CLPX: variants seen among roughly 807,000 people sequenced by gnomAD.
CLPX encodes the protein caseinolytic mitochondrial matrix peptidase chaperone subunit X.
A neutral mutation model predicts 76.4 loss-of-function variants in CLPX; 34 were observed. The ratio of observed to expected loss-of-function variants is 0.45; its 90% CI spans 0.34 to 0.59. The LOEUF is 0.59. Among genes scored for constraint, CLPX ranks in the 20% least tolerant of loss-of-function variants. The pLI is 0.01. For missense variants in CLPX, 613 were observed against 757.0 expected, an observed-to-expected ratio of 0.81 and a Z score of 2.23; for synonymous variants, 248 against 270.9, an observed-to-expected ratio of 0.92 and a Z score of 0.83.
intron 3 of CLPX, among the ~76,000 whole-genome samples, chr15:65,172,317 A>C (rs1433614792): frequency 6.6e-6 from 1 of 152,206 alleles, no homozygotes; most frequent in Non-Finnish European, 1.5e-5. Flanking sequence ...TTAAGTTACC[A>C]GGAGATAAAT....
In CLPX at chr15:65,148,351, A is replaced by G. The variant is rs534315619; in HGVS notation, c.*2472T>C. The G allele has an allele frequency of 2.6e-5, 4 of 152,364 alleles. No individual in the cohort carries two copies. The East Asian group carries it at 7.7e-4, about 29-fold the overall frequency. 9.4% of individuals were successfully genotyped at this position (152,364 alleles called of 1,614,324 possible). ...CCAAATGTAAGTTGTTGTGACTAAA[A>G]TGCCTCCCCAGTACATTTCTGGAGG... On this transcript the variant is annotated 3_prime_UTR_variant, in exon 14 of 14. Coordinates refer to ENST00000300107, the MANE Select transcript of CLPX (RefSeq NM_006660.5).
In CLPX at chr15:65,149,469, T is replaced by C. The variant is rs1254109553; in HGVS notation, c.*1354A>G. 5.8e-6 allele frequency: 2 copies of C among 344,696 alleles called. No individual in the cohort carries two copies. The highest frequency in any genetic ancestry group is 1.1e-5 in the Non-Finnish European group (2 of 176,956). 21.4% of individuals were successfully genotyped at this position (344,696 alleles called of 1,614,324 possible). ...CAGCCTGGGTGACACAGCGAGACTC[T>C]GTCTCAAAAAAATAAAATAAAATAG... On this transcript the variant is annotated 3_prime_UTR_variant, in exon 14 of 14. Coordinates refer to ENST00000300107, the MANE Select transcript of CLPX (RefSeq NM_006660.5).
chr15:65,171,816 C>CCAACAAAT (rs1308700624), intron 3 of CLPX, among the ~76,000 whole-genome samples: 1 of 152,196 alleles, frequency 6.6e-6, no homozygotes, highest in Non-Finnish European at 1.5e-5. Flanking sequence ...TGATTAAACA[C>CCAACAAAT]CAACAAATCA....
chr15:65,158,039 A>G (rs2087811353), intron 7 of CLPX, 129 bp from the exon 8 acceptor site: 1 of 739,616 alleles, frequency 1.4e-6, no homozygotes, highest in African/African-American at 1.8e-5. Flanking sequence ...TTCCTCTGCT[A>G]TTATTTTTTT....
intron 3 of CLPX, among the ~76,000 whole-genome samples, chr15:65,175,562 C>T (rs560045116): frequency 6.7e-4 from 102 of 152,110 alleles, no homozygotes; most frequent in African/African-American, 1.5e-3. Flanking sequence ...CCAAAATGCA[C>T]GGGACCAGAA....
Position 65,185,186 on chromosome 15 carries a change from T to A in CLPX, c.-33A>T. On this transcript the variant is annotated 5_prime_UTR_variant, in exon 1 of 14. Transcript: ENST00000300107. ...AGGCCTAGGCCGGGGCTTCGCCCCC[T>A]GAGGACCTCCGGGTCACAGCGGCGT... 1 of 1,526,432 alleles carries A rather than the reference T, an allele frequency of 6.6e-7. No homozygotes were observed. The highest frequency in any genetic ancestry group is 8.9e-7 in the Non-Finnish European group (1 of 1,125,036). 94.6% of individuals were successfully genotyped at this position (1,526,432 alleles called of 1,614,324 possible).
intron 7 of CLPX, 46 bp from the exon 8 acceptor site, chr15:65,157,956 C>T: frequency 1.3e-6 from 2 of 1,486,942 alleles, no homozygotes; most frequent in Admixed American, 4.7e-5. Context: ...AATATATTGG[C>T]ACACAATTTT....
intron 13 of CLPX, 56 bp from the exon 14 acceptor site, chr15:65,150,969 T>C: frequency 8.0e-7 from 1 of 1,249,248 alleles, no homozygotes; most frequent in Non-Finnish European, 1.1e-6. Flanking sequence ...GTAAACATGA[T>C]CTTTAAAATC....
chr15:65,167,236 A>G (rs1379706422), intron 3 of CLPX, among the ~76,000 whole-genome samples: 1 of 152,002 alleles, frequency 6.6e-6, no homozygotes, highest in Non-Finnish European at 1.5e-5. Context: ...ATGCCCAGCT[A>G]ATTTTTGTAT....
chr15:65,184,213 A>T (rs995541786), intron 1 of CLPX, among the ~76,000 whole-genome samples: 2 of 152,252 alleles, frequency 1.3e-5, no homozygotes, highest in Non-Finnish European at 2.9e-5. Context: ...AGTCATTATA[A>T]CAGGATCTAG....
intron 11 of CLPX, among the ~76,000 whole-genome samples, chr15:65,154,474 G>A (rs2087762537): frequency 6.6e-6 from 1 of 152,156 alleles, no homozygotes; most frequent in South Asian, 2.1e-4. Flanking sequence ...CACAACAAAA[G>A]CATTTAGAAT....
At chr15:65,159,930 A>G (rs939202861) in intron 6 of CLPX, among the ~76,000 whole-genome samples, 7 of 151,654 alleles carry the variant, frequency 4.6e-5, no homozygotes, top group Non-Finnish European at 8.8e-5. Flanking sequence ...CTCCTGCCTC[A>G]GCATCCCGAG....
intron 13 of CLPX, among the ~76,000 whole-genome samples, chr15:65,152,200 T>A (rs1391883610): frequency 6.6e-6 from 1 of 152,184 alleles, no homozygotes; most frequent in African/African-American, 2.4e-5. Flanking sequence ...AGTGCTGGGA[T>A]TACAGGTGTG....
chr15:65,160,201 C>T (rs923875039), intron 6 of CLPX, among the ~76,000 whole-genome samples: 2 of 152,160 alleles, frequency 1.3e-5, no homozygotes, highest in Admixed American at 6.5e-5. Flanking sequence ...GTTTGGCAGA[C>T]ATATCTATTA....
In CLPX at chr15:65,151,456, GAA is replaced by G. The variant is rs529752332; in HGVS notation, c.1812-545_1812-544del. Reference sequence around the variant, plus strand: ...TTCCCTGACAAATTTATTACTGGGAGAAAAAAAAAAAAAAAAAAAAAAAAGGA... The same window carrying G: ...TTCCCTGACAAATTTATTACTGGGAGAAAAAAAAAAAAAAAAAAAAAAGGA... On this transcript the variant is annotated intron_variant, in intron 13 of 13. Coordinates refer to ENST00000300107, the MANE Select transcript of CLPX (RefSeq NM_006660.5). 9.9e-3 allele frequency among the ~76,000 whole-genome samples: 739 copies of G among 74,560 alleles called. 3 individuals carry two copies. Among genetic ancestry groups the G allele is most frequent in the African/African-American group, 0.036 (610 of 16,846 alleles). 48.9% of individuals were successfully genotyped at this position (74,560 alleles called of 152,430 possible).
intron 10 of CLPX, 42 bp downstream of exon 10, chr15:65,155,650 A>T: frequency 6.6e-7 from 1 of 1,518,656 alleles, no homozygotes; most frequent in Non-Finnish European, 9.1e-7. Context: ...TACATCCTTT[A>T]AATGCTCTCT....
chr15:65,180,017 C>A (rs1328451373), intron 2 of CLPX, 27 bp downstream of exon 2: 2 of 1,564,906 alleles, frequency 1.3e-6, no homozygotes, highest in South Asian at 1.2e-5. Context: ...ACAATGTGTA[C>A]AGATGCCAAT....
At position 65,156,853 on chromosome 15, in the gene CLPX, G is replaced by T. The variant is rs374143901; in HGVS notation, c.1137C>A (p.Gly379=). The T allele has an allele frequency of 6.2e-7, 1 of 1,610,312 alleles. No homozygotes were observed. Among genetic ancestry groups the T allele is most frequent in the African/African-American group, 1.3e-5 (1 of 74,932 alleles). The change falls in exon 9 of 14, where the codon GGC becomes GGA. Residue 379 remains glycine, a synonymous_variant. Coordinates refer to ENST00000300107, the MANE Select transcript of CLPX (RefSeq NM_006660.5). ...ATACTCAACTGCTTACTTGCTGAAC[G>T]CCTTCTCCACCTACATCCCGTAATT... is the stretch of plus-strand genomic sequence containing the variant. ...IHQLRDVGGE[G]VQQGLLKLLE...
intron 4 of CLPX, among the ~76,000 whole-genome samples, chr15:65,165,792 G>C (rs1326697205): frequency 6.6e-6 from 1 of 152,112 alleles, no homozygotes; most frequent in East Asian, 1.9e-4. Context: ...TTCTTTAGTT[G>C]TTGACCATAT....
Sources: allele counts gnomAD v4.1 joint callset (sites outside exome capture counted in the v4.1 genomes callset), GRCh38; gene constraint gnomAD v4.1.1; transcripts MANE v1.5; gene names NCBI Gene and HGNC (gene_info 2026-07-23, HGNC 2026-07-21).